PRKAR1A: variants seen among roughly 807,000 people sequenced by gnomAD.
PRKAR1A encodes cAMP-dependent protein kinase type I-alpha regulatory subunit.
Under a neutral mutation model 52.0 loss-of-function variants are expected in PRKAR1A, and 3 were observed. That is an observed-to-expected ratio of 0.06 (90% CI 0.03 to 0.15). The LOEUF (loss-of-function observed/expected upper bound fraction) is 0.15. Ranked by LOEUF, PRKAR1A falls within the 10% of genes least tolerant of loss-of-function variation. PRKAR1A has a pLI of 1.00. For missense variants in PRKAR1A, 240 were observed against 477.4 expected (o/e 0.50, Z 4.63); for synonymous variants, 188 against 168.4 (o/e 1.12, Z -0.90).
At chr17:68,537,591 G>A (rs750439786), downstream of PRKAR1A, 16 of 1,613,486 alleles carry the variant, frequency 9.9e-6, no homozygotes, top group Non-Finnish European at 1.2e-5. This position sits in a 1 kb window ranked among gnomAD's most constrained non-coding sequence, Gnocchi z 4.2. Context: ...TCCTTAGGAT[G>A]GTTTGGAGCC....
At chr17:68,467,799 A>C in the PRKAR1A span, among the ~76,000 whole-genome samples, 4 of 152,182 alleles carry the variant, frequency 2.6e-5, no homozygotes, top group African/African-American at 9.7e-5. Context: ...CTCTTTAGGT[A>C]CACTGGGATA....
chr17:68,492,197 C>T, the PRKAR1A span, among the ~76,000 whole-genome samples: 5 of 152,182 alleles, frequency 3.3e-5, no homozygotes, highest in Non-Finnish European at 1.5e-5. Context: ...TCGGCAGGTG[C>T]TCAAGGCCGC....
At chr17:68,428,743 G>T in the PRKAR1A span, 2 of 1,002,054 alleles carry the variant, frequency 2.0e-6, no homozygotes, top group Non-Finnish European at 3.1e-6. Flanking sequence ...CAATGCAAGG[G>T]CACTGAAGCT....
Position 68,549,232 on chromosome 17 carries a change from C to T in PRKAR1A, c.974-1852C>T, listed in dbSNP as rs138072241. ...GCATCCGGCCAGGTGCATTGGCTCA[C>T]GCCTGGAATCCCAGCACATTGGGAG... is the stretch of plus-strand genomic sequence containing the variant. On this transcript the variant is annotated intron_variant, in intron 11 of 11. Transcript: ENST00000585981. 1.9e-3 allele frequency among the ~76,000 whole-genome samples: 283 copies of T among 152,286 alleles called. 2 individuals carry two copies. The highest frequency in any genetic ancestry group is 4.2e-3 in the Admixed American group (64 of 15,294).
the PRKAR1A span, among the ~76,000 whole-genome samples, chr17:68,486,511 T>C: frequency 3.8e-4 from 16 of 42,274 alleles, no homozygotes; most frequent in South Asian, 2.4e-3. Context: ...CCTTCCTTCT[T>C]TCTTTCTTTC....
Position 68,529,006 on chromosome 17 carries a change from A to G in PRKAR1A, c.891+15A>G. ...TTATTTTAGAGGTAAAGAACTCAGA[A>G]TTTAATACTTGAATTTTAGAGGTAA... On this transcript the variant is annotated intron_variant, in intron 9 of 10. Transcript: ENST00000589228. The G allele has an allele frequency of 1.2e-6, 2 of 1,613,518 alleles. No homozygotes were observed. Among genetic ancestry groups the G allele is most frequent in the Non-Finnish European group, 1.7e-6 (2 of 1,179,616 alleles).
At chr17:68,513,894 A>C (rs1752122159) in intron 1 of PRKAR1A, among the ~76,000 whole-genome samples, 1 of 152,236 alleles carries the variant, frequency 6.6e-6, no homozygotes, top group Non-Finnish European at 1.5e-5. Flanking sequence ...GAATGTTCTT[A>C]AAATATGACA....
rs1178690256 is a variant in PRKAR1A at position 68,530,788 on chromosome 17, A to C, written c.*339A>C. ...AATTACCATAGAGTAATGATGTAAC[A>C]GTGCAAGATTTTTTTTTTAAGTGAC... On this transcript the variant is annotated 3_prime_UTR_variant, in exon 11 of 11. Transcript: ENST00000589228. 2 of 1,270,156 alleles carry C rather than the reference A, an allele frequency of 1.6e-6. No homozygotes were observed. The highest frequency in any genetic ancestry group is 6.9e-5 in the East Asian group (2 of 29,178). 78.7% of individuals were successfully genotyped at this position (1,270,156 alleles called of 1,614,324 possible).
chr17:68,528,489 T>A (rs2085861280), intron 8 of PRKAR1A: 1 of 199,862 alleles, frequency 5.0e-6, no homozygotes. Flanking sequence ...TAGATTAAAT[T>A]ATTTCTATGA....
At chr17:68,544,627 A>C (rs770877635) in intron 11 of PRKAR1A, among the ~76,000 whole-genome samples, 1 of 152,232 alleles carries the variant, frequency 6.6e-6, no homozygotes, top group African/African-American at 2.4e-5. Flanking sequence ...CATTTTGCCA[A>C]AAAACACGAG....
the PRKAR1A span, chr17:68,493,740 C>G: frequency 6.6e-6 from 1 of 152,196 alleles, no homozygotes; most frequent in South Asian, 2.1e-4. Flanking sequence ...ATTACAGGTG[C>G]GTGCCACCAT....
intron 2 of PRKAR1A, 24 bp downstream of exon 2, chr17:68,515,600 A>G (rs1427141588): frequency 3.1e-6 from 5 of 1,605,026 alleles, no homozygotes; most frequent in Non-Finnish European, 3.4e-6. Flanking sequence ...TGGGGAGATG[A>G]TGAGGTGATT....
chr17:68,490,640 G>A, the PRKAR1A span, among the ~76,000 whole-genome samples: 3 of 151,980 alleles, frequency 2.0e-5, no homozygotes, highest in Admixed American at 2.0e-4. Context: ...CCAGTTTTGG[G>A]GATGCATCTG....
chr17:68,535,649 AAG>A, downstream of PRKAR1A: 1 of 452,354 alleles, frequency 2.2e-6, no homozygotes, highest in Non-Finnish European at 4.4e-6. Context: ...TTCTCTGTTA[AAG>A]AGTTGATTTA....
the PRKAR1A span, among the ~76,000 whole-genome samples, chr17:68,417,688 G>T: frequency 1.4e-5 from 2 of 142,820 alleles, no homozygotes; most frequent in African/African-American, 2.6e-5. Context: ...GCAGTAGTTT[G>T]CCCTGTGACT....
At chr17:68,474,819 T>A in the PRKAR1A span, among the ~76,000 whole-genome samples, 3 of 152,108 alleles carry the variant, frequency 2.0e-5, no homozygotes, top group Non-Finnish European at 4.4e-5. Flanking sequence ...GAGTGGAGGT[T>A]GCAGTGAGCC....
At chr17:68,457,616 C>G in the PRKAR1A span, 2 of 374,514 alleles carry the variant, frequency 5.3e-6, no homozygotes, top group Non-Finnish European at 8.6e-6. Flanking sequence ...CCGGCTTCGC[C>G]CCGCCCCTTC....
chr17:68,524,205 A>G (rs550589848), intron 5 of PRKAR1A, 128 bp downstream of exon 5: 52 of 840,420 alleles, frequency 6.2e-5, no homozygotes, highest in Middle Eastern at 2.5e-4. Context: ...CTGTTATACT[A>G]TTGGATTTTT....
intron 2 of PRKAR1A, among the ~76,000 whole-genome samples, chr17:68,518,393 ATCT>A (rs1365055666): frequency 6.6e-6 from 1 of 152,166 alleles, no homozygotes; most frequent in Non-Finnish European, 1.5e-5. Flanking sequence ...ATTTCTGTAC[ATCT>A]TCTGAAATCT....
Sources: allele counts gnomAD v4.1 joint callset (sites outside exome capture counted in the v4.1 genomes callset), GRCh38; gene constraint gnomAD v4.1.1; non-coding constraint Gnocchi (gnomAD v3.1); transcripts MANE v1.5; gene names NCBI Gene and HGNC (gene_info 2026-07-23, HGNC 2026-07-21).